Variants in CADM1 observed in about 807,000 individuals in gnomAD.
CADM1 encodes the protein cell adhesion molecule 1.
CADM1 carries 15 observed loss-of-function variants against 53.1 expected under a neutral mutation model. That is an observed-to-expected ratio of 0.28 (90% CI 0.19 to 0.44). CADM1 has a LOEUF of 0.44. CADM1 is among the 20% of genes least tolerant of loss of function. CADM1 has a pLI of 1.00. For synonymous variants in CADM1, 281 were observed against 243.0 expected (o/e 1.16, Z -1.45); for missense variants, 434 against 611.3 (o/e 0.71, Z 3.06).
intron 1 of CADM1, among the ~76,000 whole-genome samples, chr11:115,328,100 T>C (rs1945007256): frequency 6.6e-6 from 1 of 152,146 alleles, no homozygotes; most frequent in East Asian, 1.9e-4. Flanking sequence ...TCTGAGTTAA[T>C]TTTCCTAGCT....
intron 1 of CADM1, among the ~76,000 whole-genome samples, chr11:115,405,808 G>T (rs560297637): frequency 6.6e-6 from 1 of 152,076 alleles, no homozygotes; most frequent in South Asian, 2.1e-4. Context: ...AAACATGTTC[G>T]TAGGAAGATG....
chr11:115,411,708 C>A (rs1001444073), intron 1 of CADM1, among the ~76,000 whole-genome samples: 5 of 151,340 alleles, frequency 3.3e-5, no homozygotes, highest in African/African-American at 1.2e-4. Context: ...CTCTTGTTGC[C>A]CAGGTTGGAG....
At chr11:115,316,868 G>A (rs780944268) in intron 1 of CADM1, among the ~76,000 whole-genome samples, 4 of 152,138 alleles carry the variant, frequency 2.6e-5, no homozygotes, top group Non-Finnish European at 5.9e-5. Flanking sequence ...AAAATGCAAC[G>A]TGCTATACTG....
chr11:115,469,025 ACCTCCCACCGGGTC>A (rs2135387533), intron 1 of CADM1, among the ~76,000 whole-genome samples: 1 of 151,982 alleles, frequency 6.6e-6, no homozygotes, highest in African/African-American at 2.4e-5. Context: ...TGATTAAATT[ACCTCCCACCGGGTC>A]CCTCCCACAA....
At chr11:115,398,338 G>C (rs1229855638) in intron 1 of CADM1, among the ~76,000 whole-genome samples, 1 of 152,184 alleles carries the variant, frequency 6.6e-6, no homozygotes, top group East Asian at 1.9e-4. Flanking sequence ...CTTGGCCCCA[G>C]CATCTCCTTA....
chr11:115,458,360 A>C (rs555211520), intron 1 of CADM1, among the ~76,000 whole-genome samples: 8 of 152,222 alleles, frequency 5.3e-5, no homozygotes, highest in Non-Finnish European at 1.2e-4. Flanking sequence ...TCCAATGCTC[A>C]GTTTCCTCAT....
intron 1 of CADM1, among the ~76,000 whole-genome samples, chr11:115,252,802 CAA>C (rs917687314): frequency 8.5e-5 from 13 of 152,076 alleles, no homozygotes; most frequent in African/African-American, 2.4e-5. Flanking sequence ...CGGTGTTTCA[CAA>C]AAGTCAGCTT....
At chr11:115,213,906 T>C (rs1447801147) in intron 7 of CADM1, among the ~76,000 whole-genome samples, 1 of 152,126 alleles carries the variant, frequency 6.6e-6, no homozygotes, top group Non-Finnish European at 1.5e-5. Context: ...CTCAACTAAA[T>C]AGAAAATATT....
At chr11:115,464,596 G>C (rs1948859429) in intron 1 of CADM1, among the ~76,000 whole-genome samples, 1 of 152,184 alleles carries the variant, frequency 6.6e-6, no homozygotes, top group African/African-American at 2.4e-5. Context: ...TATATTTCTG[G>C]CATGGTTTAC....
chr11:115,334,003 T>C (rs1945197762), intron 1 of CADM1, among the ~76,000 whole-genome samples: 1 of 152,192 alleles, frequency 6.6e-6, no homozygotes, highest in Non-Finnish European at 1.5e-5. Flanking sequence ...ACACAAGCTA[T>C]GCCATAGCAT....
chr11:115,183,618 A>G (rs774683977), intron 10 of CADM1, among the ~76,000 whole-genome samples: 8 of 152,172 alleles, frequency 5.3e-5, no homozygotes, highest in Non-Finnish European at 1.2e-4. Context: ...TCTACCTCTG[A>G]GAAGGAGTGA....
At chr11:115,235,882 A>T (rs889780256) in intron 3 of CADM1, among the ~76,000 whole-genome samples, 35 of 152,174 alleles carry the variant, frequency 2.3e-4, no homozygotes, top group Non-Finnish European at 5.9e-5. Context: ...TAGTAGTATA[A>T]AGAGAGTCCT....
At chr11:115,208,612 G>A (rs900236965) in intron 8 of CADM1, among the ~76,000 whole-genome samples, 10 of 152,218 alleles carry the variant, frequency 6.6e-5, no homozygotes, top group East Asian at 1.9e-4. Flanking sequence ...AAAATGCAGC[G>A]GAAAAGTTAC....
At position 115,502,528 on chromosome 11, in the gene CADM1, T is replaced by C. The variant is rs552117895; in HGVS notation, c.124+1743A>G. ...AGAGGCATCACCTGAAATGAAGTTG[T>C]AACCACACCGGCATCGGCTGAACCC... On this transcript the variant is annotated intron_variant, in intron 1 of 11. Transcript: ENST00000331581. Among the ~76,000 whole-genome samples the C allele has an allele frequency of 2.5e-4, 38 of 152,018 alleles. No homozygotes were observed. The South Asian group carries it at 6.9e-3, about 27-fold the overall frequency.
chr11:115,381,158 A>C (rs1039996419), intron 1 of CADM1, among the ~76,000 whole-genome samples: 9 of 152,026 alleles, frequency 5.9e-5, no homozygotes, highest in Admixed American at 1.3e-4. Context: ...TTAGCTGGGC[A>C]TAGTGGCAGC....
rs751662561 is a variant in CADM1, at chr11:115,238,662, A to C, written c.272-10T>G. On this transcript the variant is annotated splice_polypyrimidine_tract_variant and intron_variant, in intron 2 of 11. Coordinates refer to ENST00000331581, the MANE Select transcript of CADM1 (RefSeq NM_001301043.2). The stretch of plus-strand genomic sequence containing the variant: ...CTGCTGTCCTTCAAAGCTGTGAAAC[A>C]AAACAGAGAGTTAGTGATTGTGAGA... 1 of 1,613,702 alleles carries C rather than the reference A, an allele frequency of 6.2e-7. No individual in the cohort carries two copies. The highest frequency in any genetic ancestry group is 2.2e-5 in the East Asian group (1 of 44,842).
intron 1 of CADM1, among the ~76,000 whole-genome samples, chr11:115,485,471 C>T (rs1949353550): frequency 6.6e-6 from 1 of 152,226 alleles, no homozygotes; most frequent in Non-Finnish European, 1.5e-5. Context: ...CAAATCTCAT[C>T]TTGAATTGTA....
intron 1 of CADM1, among the ~76,000 whole-genome samples, chr11:115,497,258 A>G (rs1370029515): frequency 6.6e-6 from 1 of 152,234 alleles, no homozygotes; most frequent in Non-Finnish European, 1.5e-5. Context: ...CATTTCTGAA[A>G]TACCTAGATC....
At chr11:115,261,673 C>T (rs528344689) in intron 1 of CADM1, among the ~76,000 whole-genome samples, 3 of 152,054 alleles carry the variant, frequency 2.0e-5, no homozygotes, top group Admixed American at 2.0e-4. Flanking sequence ...TTCTAAGTTT[C>T]TTTTTCTGAA....
Sources: gnomAD v4.1 joint callset for allele counts (sites outside exome capture counted in the v4.1 genomes callset) on GRCh38, gnomAD v4.1.1 for gene constraint, MANE v1.5 for transcripts, NCBI Gene and HGNC (gene_info 2026-07-23, HGNC 2026-07-21) for gene names.